Variants in AK5 observed in about 807,000 individuals in gnomAD.
The protein encoded by AK5 is adenylate kinase isoenzyme 5.
AK5 carries 27 observed loss-of-function variants against 69.5 expected under a neutral mutation model. That is an observed-to-expected ratio of 0.39 (90% CI 0.29 to 0.54). The LOEUF is 0.54. Among genes scored for constraint, AK5 ranks in the 20% least tolerant of loss-of-function variants. The pLI is 0.71. For synonymous variants in AK5, 260 were observed against 244.4 expected (o/e 1.06, Z -0.60); for missense variants, 531 against 700.4 (o/e 0.76, Z 2.73).
chr1:77,559,214 C>CATGAT lies in AK5; in HGVS notation c.*547_*551dup, dbSNP rs1168637215. ...TGGGTTGATTACACAATGCCTTGTA[C>CATGAT]ATGATATAGAGGCATCAAGCAAGTA... is the stretch of plus-strand genomic sequence containing the variant. On this transcript the variant is annotated 3_prime_UTR_variant, in exon 14 of 14. Coordinates refer to ENST00000354567, the MANE Select transcript of AK5 (RefSeq NM_174858.3). The CATGAT allele has an allele frequency of 5.9e-5, 9 of 152,370 alleles. No individual in the cohort carries two copies. Among genetic ancestry groups the CATGAT allele is most frequent in the Non-Finnish European group, 1.0e-4 (7 of 68,100 alleles). 9.4% of individuals were successfully genotyped at this position (152,370 alleles called of 1,614,324 possible). A position where few individuals can be genotyped will look rare whatever the true frequency, so the allele number is the denominator to read the frequency against.
At chr1:77,447,684 C>A (rs1557600834) in intron 8 of AK5, among the ~76,000 whole-genome samples, 1 of 152,154 alleles carries the variant, frequency 6.6e-6, no homozygotes, top group Non-Finnish European at 1.5e-5. Context: ...TTTGTGATAA[C>A]ACAATAGTAT....
chr1:77,391,495 G>GTGTGTATA (rs1425180466), intron 6 of AK5, among the ~76,000 whole-genome samples: 3 of 63,416 alleles, frequency 4.7e-5, no homozygotes, highest in South Asian at 1.2e-3. Context: ...GTGTGTGTGT[G>GTGTGTATA]TATATATATA....
At chr1:77,538,379 CAA>C (rs1557662456) in intron 13 of AK5, among the ~76,000 whole-genome samples, 2 of 148,340 alleles carry the variant, frequency 1.3e-5, no homozygotes, top group East Asian at 4.0e-4. Flanking sequence ...AAAACATAAA[CAA>C]AAGTGTTTTT....
At chr1:77,429,603 T>A (rs1651456265) in intron 8 of AK5, among the ~76,000 whole-genome samples, 1 of 152,198 alleles carries the variant, frequency 6.6e-6, no homozygotes, top group Non-Finnish European at 1.5e-5. Context: ...AACTGTGAAG[T>A]ACTTGGGAGA....
chr1:77,462,882 T>C (rs1213736266), intron 8 of AK5, among the ~76,000 whole-genome samples: 35 of 152,298 alleles, frequency 2.3e-4, no homozygotes, highest in Non-Finnish European at 5.9e-5. Flanking sequence ...AAATAATTTG[T>C]CTCAATTCTT....
rs1387836715 is a variant in AK5 at position 77,367,550 on chromosome 1, GTTATTT to G, written c.891+26987_891+26992del. On this transcript the variant is annotated intron_variant, in intron 6 of 13. Transcript: ENST00000354567. Reference sequence around the variant, plus strand: ...CCCTATGTTGCCCAGACTCATTTATGTTATTTTTATATATATATATATATATATAAT... The same window carrying G: ...CCCTATGTTGCCCAGACTCATTTATGTTATATATATATATATATATATAAT... Among the ~76,000 whole-genome samples, 40 of 7,768 alleles carry G rather than the reference GTTATTT, an allele frequency of 5.1e-3. 6 individuals are homozygous for G. In the East Asian group the frequency reaches 0.29, roughly 57 times the overall value. The allele number at this position is 7,768 out of a possible 152,430, so 5.1% of individuals were successfully genotyped here. A position where few individuals can be genotyped will look rare whatever the true frequency, so the allele number is the denominator to read the frequency against.
chr1:77,411,035 GACA>G lies in AK5; in HGVS notation c.951_953del (p.Asn317del). 19 of 1,613,844 alleles carry G rather than the reference GACA, an allele frequency of 1.2e-5. No individual in the cohort carries two copies. The highest frequency in any genetic ancestry group is 1.6e-5 in the Non-Finnish European group (19 of 1,179,902). On this transcript the variant is annotated inframe_deletion, in exon 7 of 14. Transcript: ENST00000354567. ...GTTCTATGACATCAGCATGGCAGTT[GACA>G]ACAAGTTATTTCCAAACAAAGAGGC...
At chr1:77,476,461 G>T (rs1438852523) in intron 8 of AK5, among the ~76,000 whole-genome samples, 1 of 146,842 alleles carries the variant, frequency 6.8e-6, no homozygotes, top group Non-Finnish European at 1.5e-5. Flanking sequence ...CAGTTTTCCA[G>T]TAAAACCTGT....
Position 77,394,523 on chromosome 1 carries a change from A to G in AK5, c.892-16458A>G, listed in dbSNP as rs572861939. On this transcript the variant is annotated intron_variant, in intron 6 of 13. Coordinates refer to ENST00000354567, the MANE Select transcript of AK5 (RefSeq NM_174858.3). ...TCTGTGACAGCCCTTATTTTGCATT[A>G]ATGTTAGGGTTAAGTAAAAGTCTCC... Among the ~76,000 whole-genome samples, 3 of 152,254 alleles carry G rather than the reference A, an allele frequency of 2.0e-5. No homozygotes were observed. The South Asian group carries it at 6.2e-4, about 32-fold the overall frequency.
At chr1:77,286,428 G>A (rs1227787423) in intron 1 of AK5, among the ~76,000 whole-genome samples, 1 of 150,398 alleles carries the variant, frequency 6.6e-6, no homozygotes. Flanking sequence ...AATTAGGCAA[G>A]AATTTAAGGG....
chr1:77,475,187 ATATATATATGTGTG>A (rs1235263091), intron 8 of AK5, among the ~76,000 whole-genome samples: 31 of 8,104 alleles, frequency 3.8e-3, no homozygotes, highest in African/African-American at 5.7e-3. Context: ...ATATATATAT[ATATATATATGTGTG>A]TGTGTGTGTG....
intron 6 of AK5, among the ~76,000 whole-genome samples, chr1:77,404,185 GAA>G (rs1271075812): frequency 1.3e-5 from 2 of 152,102 alleles, no homozygotes; most frequent in East Asian, 3.8e-4. Context: ...CCAAAGTCAA[GAA>G]AACCTAATGT....
At chr1:77,352,846 A>C (rs2100416445) in intron 6 of AK5, among the ~76,000 whole-genome samples, 1 of 152,254 alleles carries the variant, frequency 6.6e-6, no homozygotes, top group South Asian at 2.1e-4. Context: ...TCCTTAGTTA[A>C]ATAAGTTATT....
intron 13 of AK5, among the ~76,000 whole-genome samples, chr1:77,554,649 A>AG (rs1187164682): frequency 6.6e-6 from 1 of 152,134 alleles, no homozygotes; most frequent in African/African-American, 2.4e-5. Context: ...TCTGTTGCCC[A>AG]GGCTGGAGTG....
At chr1:77,519,904 A>G (rs888596502) in intron 11 of AK5, among the ~76,000 whole-genome samples, 4 of 152,044 alleles carry the variant, frequency 2.6e-5, no homozygotes, top group Non-Finnish European at 5.9e-5. Context: ...TCATCCTGTG[A>G]CTTAGAATGC....
chr1:77,469,905 A>C (rs1654360677), intron 8 of AK5, among the ~76,000 whole-genome samples: 1 of 152,248 alleles, frequency 6.6e-6, no homozygotes, highest in Non-Finnish European at 1.5e-5. Context: ...GAGGATCTAC[A>C]AAGTGACACT....
chr1:77,309,826 T>G (rs1309263417), intron 5 of AK5, among the ~76,000 whole-genome samples: 1 of 152,154 alleles, frequency 6.6e-6, no homozygotes, highest in Non-Finnish European at 1.5e-5. Context: ...GTTTGAGTTT[T>G]TAAAATCGAT....
At chr1:77,409,605 ATTTG>A (rs1304901358) in intron 6 of AK5, among the ~76,000 whole-genome samples, 7 of 152,120 alleles carry the variant, frequency 4.6e-5, no homozygotes, top group Non-Finnish European at 8.8e-5. Context: ...ACTCTTGTAA[ATTTG>A]TTTAAGTTCT....
chr1:77,385,957 A>G (rs939964672), intron 6 of AK5, among the ~76,000 whole-genome samples: 4 of 152,222 alleles, frequency 2.6e-5, no homozygotes, highest in Non-Finnish European at 4.4e-5. Context: ...GCTAAAATAA[A>G]AATAAGTTTG....
Sources: allele counts gnomAD v4.1 joint callset (sites outside exome capture counted in the v4.1 genomes callset), GRCh38; gene constraint gnomAD v4.1.1; transcripts MANE v1.5; gene names NCBI Gene and HGNC (gene_info 2026-07-23, HGNC 2026-07-21).